TMEM117: variants seen among roughly 807,000 people sequenced by gnomAD.
TMEM117 encodes the protein transmembrane protein 117.
A neutral mutation model predicts 52.4 loss-of-function variants in TMEM117; 27 were observed. That is an observed-to-expected ratio of 0.51 (90% CI 0.38 to 0.71). The LOEUF (loss-of-function observed/expected upper bound fraction) is 0.71. Among genes scored for constraint, TMEM117 ranks in the 30% least tolerant of loss-of-function variants. TMEM117 has a pLI of 0.00. For synonymous variants in TMEM117, 215 were observed against 206.3 expected, an observed-to-expected ratio of 1.04 and a Z score of -0.36; for missense variants, 556 against 630.5, an observed-to-expected ratio of 0.88 and a Z score of 1.26.
intron 3 of TMEM117, among the ~76,000 whole-genome samples, chr12:44,020,680 A>C (rs1393149281): frequency 1.3e-5 from 2 of 152,226 alleles, no homozygotes; most frequent in South Asian, 4.1e-4. Context: ...CAATGATTCC[A>C]TAAACATTCT....
chr12:43,891,601 C>T (rs1350215518), intron 2 of TMEM117, among the ~76,000 whole-genome samples: 1 of 151,910 alleles, frequency 6.6e-6, no homozygotes, highest in East Asian at 1.9e-4. Flanking sequence ...CCCCTGACCT[C>T]ATGATCCACC....
At chr12:43,840,054 C>T (rs1027309937) in intron 1 of TMEM117, among the ~76,000 whole-genome samples, 1 of 152,174 alleles carries the variant, frequency 6.6e-6, no homozygotes, top group African/African-American at 2.4e-5. Flanking sequence ...TCCTTTGTGC[C>T]TTTGCACAAA....
At chr12:44,352,126 A>G (rs1951570785) in intron 6 of TMEM117, among the ~76,000 whole-genome samples, 1 of 152,070 alleles carries the variant, frequency 6.6e-6, no homozygotes, top group Non-Finnish European at 1.5e-5. Flanking sequence ...AAAGCTGTAA[A>G]AAGCTAAATA....
intron 6 of TMEM117, among the ~76,000 whole-genome samples, chr12:44,342,062 A>C (rs977091940): frequency 2.2e-4 from 31 of 143,598 alleles, no homozygotes; most frequent in African/African-American, 8.4e-4. Context: ...TTAAAAGACA[A>C]AAAAAAAGTT....
intron 3 of TMEM117, among the ~76,000 whole-genome samples, chr12:44,015,329 A>G (rs1217298214): frequency 1.3e-5 from 2 of 152,182 alleles, no homozygotes; most frequent in Non-Finnish European, 2.9e-5. Context: ...TGAAGAACAT[A>G]TTTCTTTTGT....
At chr12:43,999,531 G>A (rs938496964) in intron 3 of TMEM117, among the ~76,000 whole-genome samples, 9 of 152,198 alleles carry the variant, frequency 5.9e-5, no homozygotes, top group African/African-American at 1.9e-4. Context: ...CCGGGCTGGA[G>A]TGCAGTGTTA....
At chr12:44,273,975 C>G (rs1330168670) in intron 5 of TMEM117, among the ~76,000 whole-genome samples, 2 of 151,776 alleles carry the variant, frequency 1.3e-5, no homozygotes, top group African/African-American at 4.8e-5. Flanking sequence ...AGAAATCAGA[C>G]AAGAAAGAAA....
chr12:43,885,556 A>G (rs1163298836), intron 2 of TMEM117, among the ~76,000 whole-genome samples: 3 of 151,810 alleles, frequency 2.0e-5, no homozygotes, highest in Non-Finnish European at 2.9e-5. Context: ...ATAATTTACC[A>G]TTTTGAGATG....
At chr12:44,251,004 TAAAATA>T (rs1376657015) in intron 5 of TMEM117, among the ~76,000 whole-genome samples, 1 of 152,012 alleles carries the variant, frequency 6.6e-6, no homozygotes, top group African/African-American at 2.4e-5. Context: ...TAAAGTAAAA[TAAAATA>T]AAAATAAAAA....
intron 2 of TMEM117, among the ~76,000 whole-genome samples, chr12:43,890,087 G>T (rs571001095): frequency 1.3e-3 from 204 of 152,080 alleles, no homozygotes; most frequent in Non-Finnish European, 2.7e-3. Flanking sequence ...TCAGTCATTT[G>T]GTCTTAAAAG....
intron 3 of TMEM117, among the ~76,000 whole-genome samples, chr12:43,988,384 A>G (rs1945882320): frequency 6.6e-6 from 1 of 152,148 alleles, no homozygotes; most frequent in South Asian, 2.1e-4. Flanking sequence ...TTATGTCCAT[A>G]TATATCACAC....
At chr12:44,108,132 T>C (rs1266492860) in intron 3 of TMEM117, among the ~76,000 whole-genome samples, 1 of 152,172 alleles carries the variant, frequency 6.6e-6, no homozygotes, top group African/African-American at 2.4e-5. Context: ...AAAGTGAATT[T>C]AAAAGGGATA....
At chr12:44,143,494 C>T (rs755544344) in intron 3 of TMEM117, 31 bp from the exon 4 acceptor site, 139 of 1,552,044 alleles carry the variant, frequency 9.0e-5, no homozygotes, top group Non-Finnish European at 1.1e-4. Context: ...TCTCTGAGTC[C>T]GGACAATGTC....
chr12:44,236,193 G>T (rs1310625497), intron 5 of TMEM117, among the ~76,000 whole-genome samples: 13 of 151,942 alleles, frequency 8.6e-5, no homozygotes, highest in African/African-American at 2.9e-4. Flanking sequence ...TATATAGAGA[G>T]AGAGAGAGAG....
intron 3 of TMEM117, among the ~76,000 whole-genome samples, chr12:44,003,458 C>A (rs902092327): frequency 6.6e-6 from 1 of 152,196 alleles, no homozygotes; most frequent in African/African-American, 2.4e-5. Flanking sequence ...AAAAAGCCTG[C>A]AGTCCTCTGC....
intron 4 of TMEM117, among the ~76,000 whole-genome samples, chr12:44,195,845 G>T (rs139479125): frequency 1.0e-3 from 153 of 151,898 alleles, no homozygotes; most frequent in Non-Finnish European, 1.9e-4. Flanking sequence ...CTTGAGGCCA[G>T]GAGTTTGAGA....
intron 3 of TMEM117, among the ~76,000 whole-genome samples, chr12:44,036,629 G>A (rs1482059985): frequency 2.0e-5 from 3 of 151,858 alleles, no homozygotes; most frequent in Non-Finnish European, 4.4e-5. Flanking sequence ...ATCTTTTTTT[G>A]TTCTTAGTGG....
chr12:43,976,559 A>G (rs1382953915), intron 3 of TMEM117, among the ~76,000 whole-genome samples: 2 of 152,182 alleles, frequency 1.3e-5, no homozygotes, highest in African/African-American at 4.8e-5. Context: ...ACAGGAGTAA[A>G]CAAATTTATC....
the TMEM117 span, among the ~76,000 whole-genome samples, chr12:43,818,565 C>T: frequency 2.0e-5 from 3 of 152,130 alleles, no homozygotes; most frequent in African/African-American, 4.8e-5. Context: ...CTCAGCCTCC[C>T]GAGTAGCTGG....
Sources: allele counts gnomAD v4.1 joint callset (sites outside exome capture counted in the v4.1 genomes callset), GRCh38; gene constraint gnomAD v4.1.1; transcripts MANE v1.5; gene names NCBI Gene and HGNC (gene_info 2026-07-23, HGNC 2026-07-21).